Variants in FLT4 observed in about 807,000 individuals in gnomAD.
FLT4 encodes fms related receptor tyrosine kinase 4, also known as vascular endothelial growth factor receptor 3.
A neutral mutation model predicts 163.2 loss-of-function variants in FLT4; 30 were observed. The ratio of observed to expected loss-of-function variants is 0.18; its 90% CI spans 0.14 to 0.25. The LOEUF (loss-of-function observed/expected upper bound fraction) is 0.25, where lower values mean the gene tolerates loss of function less well. Ranked by LOEUF, FLT4 falls within the 10% of genes least tolerant of loss-of-function variation. FLT4 has a pLI of 1.00. For synonymous variants in FLT4, 884 were observed against 789.5 expected, an observed-to-expected ratio of 1.12 and a Z score of -2.01; for missense variants, 1,510 against 1,863.8, an observed-to-expected ratio of 0.81 and a Z score of 3.50.
At chr5:180,610,919 T>C (rs1184175551) in intron 27 of FLT4, among the ~76,000 whole-genome samples, 2 of 152,098 alleles carry the variant, frequency 1.3e-5, no homozygotes, top group Non-Finnish European at 2.9e-5. Flanking sequence ...TAGCCAGGCG[T>C]GGTGGCGGGT....
At chr5:180,634,627 G>A (rs1194657958) in intron 1 of FLT4, among the ~76,000 whole-genome samples, 6 of 147,714 alleles carry the variant, frequency 4.1e-5, no homozygotes, top group Admixed American at 1.3e-4. Flanking sequence ...GCCGGGAGGC[G>A]GAGCTTGCAG....
chr5:180,642,734 G>A (rs1765221708), intron 1 of FLT4, among the ~76,000 whole-genome samples: 1 of 152,174 alleles, frequency 6.6e-6, no homozygotes, highest in African/African-American at 2.4e-5. Context: ...CCCGCCAGAG[G>A]AGCAAGTACC....
intron 10 of FLT4, among the ~76,000 whole-genome samples, chr5:180,624,539 C>T (rs1763451461): frequency 6.6e-6 from 1 of 152,150 alleles, no homozygotes; most frequent in African/African-American, 2.4e-5. Flanking sequence ...GTTTCTGGAG[C>T]TCTGTCTCCC....
At chr5:180,632,235 C>T (rs1025501899) in intron 1 of FLT4, among the ~76,000 whole-genome samples, 13 of 152,204 alleles carry the variant, frequency 8.5e-5, no homozygotes, top group African/African-American at 2.4e-4. Context: ...CCCCGAACCA[C>T]GCAGGCCTCG....
chr5:180,604,802 ATT>A (rs1387365099), intron 29 of FLT4, among the ~76,000 whole-genome samples: 1 of 152,126 alleles, frequency 6.6e-6, no homozygotes, highest in Non-Finnish European at 1.5e-5. Context: ...GGGACTCCCA[ATT>A]TTATATATAT....
chr5:180,612,673 G>T, intron 25 of FLT4, 62 bp from the exon 26 acceptor site: 1 of 1,252,322 alleles, frequency 8.0e-7, no homozygotes, highest in Non-Finnish European at 1.2e-6. Flanking sequence ...GACCTTCAGT[G>T]CCCCAGCCTT....
In FLT4 at chr5:180,630,207, G is replaced by T. The variant is rs776495740; in HGVS notation, c.513+18C>A. On this transcript the variant is annotated intron_variant, in intron 4 of 29. Coordinates refer to ENST00000261937, the MANE Select transcript of FLT4 (RefSeq NM_182925.5). This position sits in a 1 kb window ranked among gnomAD's most constrained non-coding sequence, Gnocchi z 6.3. ...TGGGATGGGAGGGTCGGATGCTGGG[G>T]TTGGGGTGGGGCCGTACCGAGCGCA... 1.2e-6 allele frequency: 2 copies of T among 1,609,890 alleles called. No individual in the cohort carries two copies. The highest frequency in any genetic ancestry group is 1.7e-6 in the Non-Finnish European group (2 of 1,177,662).
rs1036511584 is a variant in FLT4, at chr5:180,601,950, G to A, written c.*1242C>T. On this transcript the variant is annotated 3_prime_UTR_variant, in exon 30 of 30. Coordinates refer to ENST00000261937, the MANE Select transcript of FLT4 (RefSeq NM_182925.5). ...GGTGGTCAGTCTCCGTGGTCCTAAC[G>A]TGGGGATGTGGCTCTTTCTCCTGGT... is the stretch of plus-strand genomic sequence containing the variant. The A allele has an allele frequency of 1.7e-4, 40 of 233,750 alleles. No individual in the cohort carries two copies. Among genetic ancestry groups the A allele is most frequent in the African/African-American group, 7.5e-4 (34 of 45,478 alleles). 14.5% of individuals were successfully genotyped at this position (233,750 alleles called of 1,614,324 possible). A position where few individuals can be genotyped will look rare whatever the true frequency, so the allele number is the denominator to read the frequency against.
chr5:180,631,573 GC>G, intron 2 of FLT4, 108 bp downstream of exon 2: 1 of 895,268 alleles, frequency 1.1e-6, no homozygotes, highest in Admixed American at 1.8e-5. Flanking sequence ...AGGCCACTCT[GC>G]CCTGACTCTG....
rs1764692512 is a variant in FLT4, at chr5:180,636,366, T to G, written c.59-4588A>C. Among the ~76,000 whole-genome samples the G allele has an allele frequency of 6.6e-6, 1 of 152,144 alleles. No individual in the cohort carries two copies. The highest frequency in any genetic ancestry group is 2.4e-5 in the African/African-American group (1 of 41,414). Reference sequence around the variant, plus strand: ...GGCTTTCTGGCCACGGCACTGGCCCTGGGCGGTTACTGCCCTCCACCCCAC... The same window carrying G: ...GGCTTTCTGGCCACGGCACTGGCCCGGGGCGGTTACTGCCCTCCACCCCAC... On this transcript the variant is annotated intron_variant, in intron 1 of 29. Transcript: ENST00000261937. This position sits in a 1 kb window ranked among gnomAD's most constrained non-coding sequence, Gnocchi z 4.3.
Position 180,629,513 on chromosome 5 carries a change from CGG to C in FLT4, c.817-88_817-87del, listed in dbSNP as rs1317487029. On this transcript the variant is annotated intron_variant, in intron 6 of 29. Transcript: ENST00000261937. Reference sequence around the variant, plus strand: ...AAGGCACACCTCCCAGCCCAGCCAGCGGTGGCTCCGGAAGCCCTGGACCCAGG... The same window carrying C: ...AAGGCACACCTCCCAGCCCAGCCAGCTGGCTCCGGAAGCCCTGGACCCAGG... 3 of 1,538,930 alleles carry C rather than the reference CGG, an allele frequency of 1.9e-6. No individual in the cohort carries two copies. In the African/African-American group the frequency reaches 4.1e-5, roughly 21 times the overall value.
Position 180,609,645 on chromosome 5 carries a change from G to C in FLT4, c.3807+260C>G, listed in dbSNP as rs541399402. On this transcript the variant is annotated intron_variant, in intron 28 of 29. Transcript: ENST00000261937. ...CCCCCGAACCTGCCACCGAGGAGGAGCCGTCCTTCCACTGGGGTTTCTGCG... is the reference window on the plus strand; with the variant it reads ...CCCCCGAACCTGCCACCGAGGAGGACCCGTCCTTCCACTGGGGTTTCTGCG... The C allele has an allele frequency of 8.5e-6, 4 of 467,906 alleles. No individual in the cohort carries two copies. In the East Asian group the frequency reaches 1.6e-4, roughly 19 times the overall value. The allele number at this position is 467,906 out of a possible 1,614,324, so 29.0% of individuals were successfully genotyped here.
At chr5:180,619,445 G>A (rs751478636) in intron 18 of FLT4, 79 bp from the exon 19 acceptor site, 5 of 1,027,996 alleles carry the variant, frequency 4.9e-6, no homozygotes, top group African/African-American at 2.4e-5. Context: ...TTTGGGAGGG[G>A]GAGGGTTACT....
At chr5:180,641,267 G>T (rs762493697) in intron 1 of FLT4, among the ~76,000 whole-genome samples, 1 of 152,236 alleles carries the variant, frequency 6.6e-6, no homozygotes, top group Non-Finnish European at 1.5e-5. Context: ...GGGCCGGGGT[G>T]TCATCAGCCC....
chr5:180,639,823 C>T (rs758776159), intron 1 of FLT4, among the ~76,000 whole-genome samples: 23 of 152,332 alleles, frequency 1.5e-4, no homozygotes, highest in Non-Finnish European at 3.1e-4. Context: ...TGCTGTCCTT[C>T]CCTTCCCGCA....
intron 7 of FLT4, 79 bp from the exon 8 acceptor site, chr5:180,629,078 C>T (rs534104823): frequency 1.8e-5 from 27 of 1,460,446 alleles, no homozygotes; most frequent in South Asian, 1.4e-4. Context: ...ACGGCCCCTG[C>T]AGCCCCGGCA....
intron 1 of FLT4, among the ~76,000 whole-genome samples, chr5:180,648,444 G>A (rs1323137242): frequency 1.3e-5 from 2 of 152,182 alleles, no homozygotes; most frequent in African/African-American, 4.8e-5. Flanking sequence ...GACACTCCCT[G>A]TGAGAATTAC....
chr5:180,616,415 G>A lies in FLT4; in HGVS notation c.3171C>T (p.Gly1057=), dbSNP rs140277328. The A allele has an allele frequency of 1.2e-6, 2 of 1,613,928 alleles. No homozygotes were observed. Among genetic ancestry groups the A allele is most frequent in the African/African-American group, 2.7e-5 (2 of 74,938 alleles). ...GGTCTTTGTAGATGTCCCGGGCAAG[G>A]CCAAAGTCACAGATCTTCACCACGT... The part of the protein sequence containing the change: ...ESDVVKICDF[G]LARDIYKDPD... The change falls in exon 23 of 30, where the codon GGC becomes GGT. Residue 1057 remains glycine (G), a synonymous_variant. Coordinates refer to ENST00000261937, the MANE Select transcript of FLT4 (RefSeq NM_182925.5).
chr5:180,621,756 G>C lies in FLT4; in HGVS notation c.1806C>G (p.His602Gln), dbSNP rs1297327643. ...TGCAGTCGAGCAGAAGCGGGTTCCC[G>C]TGCGCATCGTGCAGCGTGGACAGGT... is the stretch of plus-strand genomic sequence containing the variant. ...RLNLSTLHDA[H>Q]GNPLLLDCKN... is the part of the protein sequence containing the mutation. The change falls in exon 13 of 30, where the codon CAC becomes CAG. Residue 602 changes from histidine to glutamine, a missense_variant. His to Gln is a conservative substitution (Grantham distance 24, BLOSUM62 0). Transcript: ENST00000261937. 4 of 1,613,072 alleles carry C rather than the reference G, an allele frequency of 2.5e-6. No individual in the cohort carries two copies. The highest frequency in any genetic ancestry group is 2.2e-5 in the East Asian group (1 of 44,898).
Sources: gnomAD v4.1 joint callset for allele counts (sites outside exome capture counted in the v4.1 genomes callset) on GRCh38, gnomAD v4.1.1 for gene constraint, Gnocchi (gnomAD v3.1) non-coding constraint, MANE v1.5 for transcripts, NCBI Gene and HGNC (gene_info 2026-07-23, HGNC 2026-07-21) for gene names.